LIAS: variants seen among roughly 807,000 people sequenced by gnomAD.
LIAS encodes the protein lipoic acid synthetase.
In LIAS, 36 loss-of-function variants were observed where a neutral mutation model predicts 49.4. The ratio of observed to expected loss-of-function variants is 0.73; its 90% CI spans 0.56 to 0.96. The LOEUF (loss-of-function observed/expected upper bound fraction) is 0.96. LIAS is among the 40% of genes least tolerant of loss of function. The pLI is 0.00. For missense variants in LIAS, 399 were observed against 456.3 expected (o/e 0.87, Z 1.14); for synonymous variants, 145 against 155.8 (o/e 0.93, Z 0.52).
In LIAS at chr4:39,460,947, GC is replaced by G; in HGVS notation, c.205del (p.Gln69ArgfsTer6). On this transcript the variant is annotated frameshift_variant, in exon 2 of 11. Coordinates refer to ENST00000640888, the MANE Select transcript of LIAS (RefSeq NM_006859.4). LOFTEE classifies it high-confidence loss of function. ...TWDEYKGNLK[R>X]QKGERLRLPP... ...GATGAATATAAAGGAAACCTAAAAC[GC>G]CAGAAAGGAGAAAGGTAATTGAAAA... 1 of 1,590,494 alleles carries G rather than the reference GC, an allele frequency of 6.3e-7. No homozygotes were observed. The highest frequency in any genetic ancestry group is 1.2e-5 in the South Asian group (1 of 85,624).
intron 10 of LIAS, chr4:39,475,382 A>AAAAT (rs10654129): frequency 0.29 from 42,856 of 149,560 alleles, 6,778 homozygotes; most frequent in South Asian, 0.45. Context: ...CTCTGTCTCA[A>AAAAT]AAATAAATAA....
rs769256159 is a variant in LIAS, at chr4:39,470,153, C to T, written c.872C>T (p.Ala291Val). 13 of 1,609,820 alleles carry T rather than the reference C, an allele frequency of 8.1e-6. No individual in the cohort carries two copies. The Admixed American group carries it at 1.5e-4, about 19-fold the overall frequency. Residue 291 changes from alanine to valine, a missense_variant, in exon 8 of 11, where the codon GCA becomes GTA. By Grantham distance (64) the Ala-to-Val change is moderately conservative. Around this residue, in one of 3 missense-constraint regions of LIAS, gnomAD observed 234 missense variants for 292.2 expected, o/e 0.80. Transcript: ENST00000640888. ...GGCGAGAATGATGAGCAAGTATATG[C>T]AACAATGAAAGGTAAAGAAATTGAA... ...GLGENDEQVY[A>V]TMKALREADV...
At chr4:39,465,413 C>A in intron 6 of LIAS, 71 bp downstream of exon 6, 2 of 1,269,446 alleles carry the variant, frequency 1.6e-6, no homozygotes, top group Non-Finnish European at 2.2e-6. Context: ...AAGTTCATTA[C>A]CTTGAAACAG....
chr4:39,472,328 T>C (rs1745024315), intron 9 of LIAS, among the ~76,000 whole-genome samples: 1 of 152,200 alleles, frequency 6.6e-6, no homozygotes. Context: ...TTAGTCATGC[T>C]GTCTCAGGGG....
At position 39,471,307 on chromosome 4, in the gene LIAS, G is replaced by GT. The variant is rs1744972353; in HGVS notation, c.954+2dup. ...GCAGCCAACAAGGCGTCACCTTAAG[G>GT]TACATGTATCTTGATTTGCTTTTTT... On this transcript the variant is annotated splice_donor_variant, in intron 9 of 10. Coordinates refer to ENST00000640888, the MANE Select transcript of LIAS (RefSeq NM_006859.4). LOFTEE classifies it high-confidence loss of function. 1.3e-6 allele frequency: 2 copies of GT among 1,584,916 alleles called. No homozygotes were observed. Among genetic ancestry groups the GT allele is most frequent in the Admixed American group, 1.7e-5 (1 of 58,314 alleles).
chr4:39,471,344 AT>A, intron 9 of LIAS, 38 bp downstream of exon 9: 1 of 1,018,692 alleles, frequency 9.8e-7, no homozygotes, highest in Non-Finnish European at 1.4e-6. Flanking sequence ...TTTTTTTTTT[AT>A]TTTTAAAGAT....
intron 3 of LIAS, among the ~76,000 whole-genome samples, chr4:39,463,260 T>G (rs1744612713): frequency 6.6e-6 from 1 of 152,060 alleles, no homozygotes; most frequent in Non-Finnish European, 1.5e-5. Flanking sequence ...TAACTTTGAT[T>G]TTTTGTAGAG....
intron 1 of LIAS, 168 bp downstream of exon 1, chr4:39,459,330 A>G (rs1169011964): frequency 4.7e-6 from 3 of 633,396 alleles, no homozygotes; most frequent in Non-Finnish European, 8.2e-6. Flanking sequence ...CGCCAGCCCC[A>G]TGATATAGAG....
rs1318185631 is a variant in LIAS, at chr4:39,467,567, C to T, written c.658C>T (p.Leu220Phe). Reference protein sequence around the residue: ...ECLTPDFRGDLKAIEKVALSG... With the variant: ...ECLTPDFRGDFKAIEKVALSG... ...TCTTACTCCTGATTTTCGAGGTGAT[C>T]TCAAAGCAATAGAAAAAGTTGCTCT... Residue 220 changes from leucine (L) to phenylalanine (F), a missense_variant, in exon 7 of 11, where the codon CTC becomes TTC. Leu to Phe is a conservative substitution (Grantham distance 22). Coordinates refer to ENST00000640888, the MANE Select transcript of LIAS (RefSeq NM_006859.4). 20 of 1,607,826 alleles carry T rather than the reference C, an allele frequency of 1.2e-5. No individual in the cohort carries two copies. The highest frequency in any genetic ancestry group is 1.7e-5 in the Non-Finnish European group (20 of 1,176,944).
chr4:39,470,850 T>C (rs1245050814), intron 8 of LIAS, among the ~76,000 whole-genome samples: 6 of 152,222 alleles, frequency 3.9e-5, no homozygotes, highest in Admixed American at 3.9e-4. Flanking sequence ...ATCTTGTGCA[T>C]TGAGTAAAAG....
intron 1 of LIAS, among the ~76,000 whole-genome samples, chr4:39,459,696 G>A (rs1262254774): frequency 6.6e-6 from 1 of 152,216 alleles, no homozygotes; most frequent in African/African-American, 2.4e-5. Flanking sequence ...CGAATACCAT[G>A]ATTTCTTATG....
intron 2 of LIAS, 48 bp downstream of exon 2, chr4:39,461,010 CATT>C: frequency 6.8e-7 from 1 of 1,461,406 alleles, no homozygotes; most frequent in Non-Finnish European, 9.3e-7. Context: ...CTTTATTGTG[CATT>C]ATTTTCAGAT....
At chr4:39,460,697 TGGC>T in intron 1 of LIAS, 90 bp from the exon 2 acceptor site, 3 of 974,084 alleles carry the variant, frequency 3.1e-6, no homozygotes, top group African/African-American at 1.6e-5. Context: ...ATCACTTTTT[TGGC>T]TTTACCCTTC....
At chr4:39,471,509 T>C (rs1041363115) in intron 9 of LIAS, among the ~76,000 whole-genome samples, 3 of 139,722 alleles carry the variant, frequency 2.1e-5, no homozygotes, top group Non-Finnish European at 3.1e-5. Flanking sequence ...AAAATATACA[T>C]ATATATAATT....
chr4:39,474,471 T>G (rs1386568924), intron 10 of LIAS, among the ~76,000 whole-genome samples: 1 of 151,672 alleles, frequency 6.6e-6, no homozygotes, highest in East Asian at 1.9e-4. Flanking sequence ...CTAGGCCAGG[T>G]GTGGTGGTGT....
intron 7 of LIAS, 30 bp from the exon 8 acceptor site, chr4:39,469,989 C>A: frequency 2.5e-6 from 4 of 1,583,804 alleles, no homozygotes; most frequent in South Asian, 2.3e-5. Flanking sequence ...ACTTGTAATT[C>A]TTGCTGACAA....
chr4:39,465,453 G>C (rs1712109343), intron 6 of LIAS, 111 bp downstream of exon 6: 1 of 896,562 alleles, frequency 1.1e-6, no homozygotes, highest in Non-Finnish European at 1.7e-6. Context: ...GAGTTTCATA[G>C]TTTTCTGATA....
intron 7 of LIAS, chr4:39,468,982 G>T (rs1744880292): frequency 6.6e-6 from 1 of 151,908 alleles, no homozygotes; most frequent in African/African-American, 2.4e-5. Flanking sequence ...CTAATCATTG[G>T]CAAGTAACAC....
intron 7 of LIAS, chr4:39,468,302 A>G (rs1250989900): frequency 6.6e-6 from 1 of 151,060 alleles, no homozygotes; most frequent in Non-Finnish European, 1.5e-5. Context: ...CAACATGGAG[A>G]AACCCCGTCT....
Sources: allele counts gnomAD v4.1 joint callset (sites outside exome capture counted in the v4.1 genomes callset), GRCh38; gene constraint gnomAD v4.1.1; regional missense constraint gnomAD v4.1.1; transcripts MANE v1.5; gene names NCBI Gene and HGNC (gene_info 2026-07-23, HGNC 2026-07-21).